CACNA1C: variants seen among roughly 807,000 people sequenced by gnomAD.
CACNA1C encodes the protein voltage-dependent L-type calcium channel subunit alpha-1C.
Under a neutral mutation model 229.0 loss-of-function variants are expected in CACNA1C, and 30 were observed. That is an observed-to-expected ratio of 0.13 (90% CI 0.10 to 0.18). The LOEUF is 0.18. Ranked by LOEUF, CACNA1C falls within the 10% of genes least tolerant of loss-of-function variation. CACNA1C has a pLI of 1.00. For missense variants in CACNA1C, 1,658 were observed against 2,845.0 expected (o/e 0.58, Z 9.49); for synonymous variants, 1,114 against 1,132.5 (o/e 0.98, Z 0.33).
At position 2,403,248 on chromosome 12, in the gene CACNA1C, T is replaced by A. The variant is rs115101997; in HGVS notation, c.478-45728T>A. On this transcript the variant is annotated intron_variant, in intron 3 of 46. Coordinates refer to ENST00000399655, the MANE Select transcript of CACNA1C (RefSeq NM_000719.7). The surrounding 1 kb of genome is among the most constrained non-coding windows in gnomAD (Gnocchi z 4.1). ...AAAATCAAGGTGAAGCAGATACTAC[T>A]CCAGGCCAAAGACACATCTCCTATG... 6.4e-3 allele frequency among the ~76,000 whole-genome samples: 975 copies of A among 152,298 alleles called. 14 individuals carry two copies. Among genetic ancestry groups the A allele is most frequent in the African/African-American group, 0.022 (924 of 41,562 alleles).
chr12:2,071,168 C>T (rs11062104), intron 1 of CACNA1C, among the ~76,000 whole-genome samples: 866 of 12,546 alleles, frequency 0.069, 62 homozygotes, highest in Non-Finnish European at 0.094. Context: ...CTCCCTCCCT[C>T]CCTCCCTGCC....
At chr12:2,197,141 G>A (rs952059939) in intron 3 of CACNA1C, among the ~76,000 whole-genome samples, 1 of 152,174 alleles carries the variant, frequency 6.6e-6, no homozygotes, top group Non-Finnish European at 1.5e-5. Flanking sequence ...GATCAGGAGT[G>A]GAAGCTGGCA....
At chr12:1,980,362 G>A (rs972016717) in intron 1 of CACNA1C, among the ~76,000 whole-genome samples, 3 of 152,020 alleles carry the variant, frequency 2.0e-5, no homozygotes, top group Non-Finnish European at 4.4e-5. Context: ...TGTGACTATT[G>A]GTATTTGTAT....
rs933274253 is a variant in CACNA1C, at chr12:2,493,168, T to G, written c.917-22T>G. The G allele has an allele frequency of 1.1e-5, 17 of 1,606,486 alleles. No homozygotes were observed. The highest frequency in any genetic ancestry group is 1.0e-5 in the Non-Finnish European group (12 of 1,173,518). ...CTCCCTCCCTGCTGCTCCCGTCTCC[T>G]GTCTTCTTCTGGCCATTTGAGATGT... is the stretch of plus-strand genomic sequence containing the variant. On this transcript the variant is annotated intron_variant, in intron 6 of 46. Transcript: ENST00000399655. This position sits in a 1 kb window ranked among gnomAD's most constrained non-coding sequence, Gnocchi z 4.6.
chr12:2,671,990 A>T (rs1037544723), intron 38 of CACNA1C: 2 of 152,284 alleles, frequency 1.3e-5, no homozygotes, highest in Non-Finnish European at 2.9e-5. Context: ...ATCCTAAGAA[A>T]GAAAGACAAA....
chr12:2,133,764 G>GA (rs2092760628), intron 3 of CACNA1C, among the ~76,000 whole-genome samples: 1 of 16,088 alleles, frequency 6.2e-5, no homozygotes, highest in Non-Finnish European at 1.1e-4. Flanking sequence ...GTGTGGTGCT[G>GA]AAAAAAATGT....
chr12:2,549,891 C>T, intron 9 of CACNA1C, 52 bp from the exon 10 acceptor site: 1 of 1,335,192 alleles, frequency 7.5e-7, no homozygotes, highest in Non-Finnish European at 1.1e-6. Context: ...TCTTCTGTTC[C>T]CTTGTCTCCC....
intron 3 of CACNA1C, among the ~76,000 whole-genome samples, chr12:2,322,386 G>A (rs1383989907): frequency 3.9e-5 from 6 of 152,210 alleles, no homozygotes; most frequent in Non-Finnish European, 7.3e-5. Context: ...ATTGACTCTG[G>A]AGACTACGCA....
rs1248372199 is a variant in CACNA1C at position 2,695,757 on chromosome 12, C to G, written c.*4558C>G. On this transcript the variant is annotated 3_prime_UTR_variant, in exon 47 of 47. Coordinates refer to ENST00000399655, the MANE Select transcript of CACNA1C (RefSeq NM_000719.7). ...CTTACACGACCTCTTTGTGAAGCCT[C>G]TTCTGGGTTTAACTTCATTCATCAA... 6.6e-6 allele frequency: 1 copy of G among 152,218 alleles called. No homozygotes were observed. The highest frequency in any genetic ancestry group is 1.5e-5 in the Non-Finnish European group (1 of 68,032). The allele number at this position is 152,218 out of a possible 1,614,324, so 9.4% of individuals were successfully genotyped here.
chr12:2,277,278 T>C (rs1407080719), intron 3 of CACNA1C, among the ~76,000 whole-genome samples: 1 of 152,034 alleles, frequency 6.6e-6, no homozygotes, highest in Non-Finnish European at 1.5e-5. Context: ...TAGTTGTTTC[T>C]AGCAACTCAT....
chr12:2,341,821 C>A, intron 3 of CACNA1C, among the ~76,000 whole-genome samples: 1 of 152,168 alleles, frequency 6.6e-6, no homozygotes, highest in South Asian at 2.1e-4. Context: ...TTCAATGGGT[C>A]AGCCTCTCTG....
intron 5 of CACNA1C, among the ~76,000 whole-genome samples, chr12:2,483,578 A>G (rs1256468980): frequency 6.6e-6 from 1 of 152,166 alleles, no homozygotes; most frequent in Non-Finnish European, 1.5e-5. Flanking sequence ...ATTAGCATGT[A>G]TTATTTATAC....
At chr12:2,398,303 A>G (rs1031647947) in intron 3 of CACNA1C, among the ~76,000 whole-genome samples, 5 of 152,246 alleles carry the variant, frequency 3.3e-5, no homozygotes, top group African/African-American at 1.2e-4. Flanking sequence ...AGAAAATTGT[A>G]TTGAGCTTTA....
Position 2,602,029 on chromosome 12 carries a change from AC to A in CACNA1C, c.2960+72del. Reference sequence around the variant, plus strand: ...AAGGGGTGCCAGAGAGGACAACCAGACCCTGGAGGGCCTGCCTGCAGGGCCA... The same window carrying A: ...AAGGGGTGCCAGAGAGGACAACCAGACCTGGAGGGCCTGCCTGCAGGGCCA... On this transcript the variant is annotated intron_variant, in intron 22 of 46. Transcript: ENST00000399655. This position sits in a 1 kb window ranked among gnomAD's most constrained non-coding sequence, Gnocchi z 4.4. 9.6e-7 allele frequency: 1 copy of A among 1,038,944 alleles called. No individual in the cohort carries two copies. Among genetic ancestry groups the A allele is most frequent in the Non-Finnish European group, 1.5e-6 (1 of 665,630 alleles). 64.4% of individuals were successfully genotyped at this position (1,038,944 alleles called of 1,614,324 possible).
At position 2,001,696 on chromosome 12, in the gene CACNA1C, G is replaced by C. The variant is rs183017543; in HGVS notation, c.139+30495G>C. On this transcript the variant is annotated intron_variant, in intron 1 of 46. Coordinates refer to the CACNA1C transcript ENST00000682462. ...TGGGTCTCATTATCCAGAGGTTTTA[G>C]TTTGGCATTTTTCACTTTTAAAAAA... is the stretch of plus-strand genomic sequence containing the variant. Among the ~76,000 whole-genome samples, 4 of 152,270 alleles carry C rather than the reference G, an allele frequency of 2.6e-5. No homozygotes were observed. The East Asian group carries it at 7.7e-4, about 29-fold the overall frequency.
At chr12:2,158,218 G>C (rs1402560538) in intron 3 of CACNA1C, among the ~76,000 whole-genome samples, 2 of 152,192 alleles carry the variant, frequency 1.3e-5, no homozygotes, top group Non-Finnish European at 2.9e-5. Context: ...CTTACAAATA[G>C]ATGAAACAGG....
intron 3 of CACNA1C, among the ~76,000 whole-genome samples, chr12:2,126,217 CTT>C (rs1217111693): frequency 6.6e-6 from 1 of 152,178 alleles, no homozygotes; most frequent in East Asian, 1.9e-4. Flanking sequence ...AATCCATCAT[CTT>C]TGTTATCTTT....
At chr12:1,974,945 C>A (rs985742095) in intron 1 of CACNA1C, among the ~76,000 whole-genome samples, 1 of 152,042 alleles carries the variant, frequency 6.6e-6, no homozygotes, top group African/African-American at 2.4e-5. Context: ...CAATGAAGAA[C>A]AGACTTCTTC....
chr12:2,357,397 A>C (rs574803266), intron 3 of CACNA1C, among the ~76,000 whole-genome samples: 2 of 152,236 alleles, frequency 1.3e-5, no homozygotes, highest in Admixed American at 1.3e-4. Flanking sequence ...GCCTTCTTAA[A>C]GATGTATCTA....
Sources: allele counts gnomAD v4.1 joint callset (sites outside exome capture counted in the v4.1 genomes callset), GRCh38; gene constraint gnomAD v4.1.1; non-coding constraint Gnocchi (gnomAD v3.1); transcripts MANE v1.5; gene names NCBI Gene and HGNC (gene_info 2026-07-23, HGNC 2026-07-21).